The following SUPT3H variants were observed in gnomAD, a reference collection of about 807,000 sequenced individuals.
SUPT3H encodes the protein SPT3 homolog, SAGA and STAGA complex component, also known as transcription initiation protein SPT3 homolog.
Under a neutral mutation model 44.3 loss-of-function variants are expected in SUPT3H, and 44 were observed. The ratio of observed to expected loss-of-function variants is 0.99; its 90% CI spans 0.78 to 1.28. The LOEUF is 1.28. Among genes scored for constraint, SUPT3H ranks in the 50% most tolerant of loss-of-function variants. The pLI, the probability that SUPT3H is intolerant of heterozygous loss-of-function variation, is 0.00. For synonymous variants in SUPT3H, 124 were observed against 125.6 expected, an observed-to-expected ratio of 0.99 and a Z score of 0.09; for missense variants, 380 against 387.1, an observed-to-expected ratio of 0.98 and a Z score of 0.15.
At chr6:44,889,516 A>C (rs1762920672) in intron 10 of SUPT3H, among the ~76,000 whole-genome samples, 2 of 152,238 alleles carry the variant, frequency 1.3e-5, no homozygotes, top group Non-Finnish European at 2.9e-5. Context: ...TGGGGAAAGG[A>C]ATCCCTATTT....
At chr6:45,334,557 GAAT>G (rs1788169780) in intron 2 of SUPT3H, among the ~76,000 whole-genome samples, 1 of 149,542 alleles carries the variant, frequency 6.7e-6, no homozygotes, top group Non-Finnish European at 1.5e-5. Flanking sequence ...AGAAATATCA[GAAT>G]AATAACGTGA....
chr6:45,126,272 T>C (rs1224299392), intron 2 of SUPT3H, among the ~76,000 whole-genome samples: 2 of 152,208 alleles, frequency 1.3e-5, no homozygotes, highest in African/African-American at 4.8e-5. Flanking sequence ...GGCCACCCTG[T>C]ATGAAGCTTA....
intron 2 of SUPT3H, among the ~76,000 whole-genome samples, chr6:45,175,902 AT>A (rs1811710768): frequency 6.6e-6 from 1 of 152,186 alleles, no homozygotes; most frequent in Non-Finnish European, 1.5e-5. Context: ...AGACTGGCTG[AT>A]TTCCTTTGAA....
chr6:45,175,108 T>C lies in SUPT3H; in HGVS notation c.102-69102A>G, dbSNP rs558136502. Among the ~76,000 whole-genome samples, 7 of 151,400 alleles carry C rather than the reference T, an allele frequency of 4.6e-5. No homozygotes were observed. In the East Asian group the frequency reaches 5.9e-4, roughly 13 times the overall value. On this transcript the variant is annotated intron_variant, in intron 2 of 10. Coordinates refer to ENST00000371459, the MANE Select transcript of SUPT3H (RefSeq NM_003599.4). The stretch of plus-strand genomic sequence containing the variant: ...AATACTAGATTGTTATTTACTTACA[T>C]AGAACTTCCTACTATATCACTTAAC...
At position 45,113,828 on chromosome 6, in the gene SUPT3H, A is replaced by C. The variant is rs1168853425; in HGVS notation, c.102-7822T>G. Among the ~76,000 whole-genome samples, 9 of 19,258 alleles carry C rather than the reference A, an allele frequency of 4.7e-4. No individual in the cohort carries two copies. In the African/African-American group the frequency reaches 5.5e-3, roughly 12 times the overall value. 12.6% of individuals were successfully genotyped at this position (19,258 alleles called of 152,430 possible). A position where few individuals can be genotyped will look rare whatever the true frequency, so the allele number is the denominator to read the frequency against. On this transcript the variant is annotated intron_variant, in intron 2 of 10. Transcript: ENST00000371459. ...CTGGGCGACAGAGCAAGACTCCATC[A>C]AAAAAAAAAAAAAAAAAAATCAAAT...
chr6:44,872,426 T>C (rs1260506523), intron 10 of SUPT3H, among the ~76,000 whole-genome samples: 2 of 138,326 alleles, frequency 1.4e-5, no homozygotes, highest in Non-Finnish European at 3.2e-5. Context: ...AGAAATAAAA[T>C]ACTTTATAGA....
chr6:45,092,958 C>A (rs1325571440), intron 3 of SUPT3H, among the ~76,000 whole-genome samples: 1 of 151,948 alleles, frequency 6.6e-6, no homozygotes, highest in South Asian at 2.1e-4. Flanking sequence ...TTGAAATTAT[C>A]AGCATAAATA....
intron 6 of SUPT3H, among the ~76,000 whole-genome samples, chr6:44,996,713 T>G (rs1399644102): frequency 6.6e-6 from 1 of 151,902 alleles, no homozygotes; most frequent in Non-Finnish European, 1.5e-5. Flanking sequence ...AGGAACAGCA[T>G]TTCTCAAAAG....
At chr6:44,906,442 T>C (rs1766091753) in intron 10 of SUPT3H, among the ~76,000 whole-genome samples, 1 of 152,188 alleles carries the variant, frequency 6.6e-6, no homozygotes, top group Admixed American at 6.5e-5. Context: ...TCATTTTTCA[T>C]GTAATATCTC....
intron 3 of SUPT3H, among the ~76,000 whole-genome samples, chr6:45,078,460 T>C (rs574470501): frequency 5.1e-4 from 78 of 152,310 alleles, no homozygotes; most frequent in Admixed American, 1.8e-3. Context: ...CGTTACAGCA[T>C]TGGGGTGTTC....
intron 3 of SUPT3H, among the ~76,000 whole-genome samples, chr6:45,045,945 G>A (rs1789329041): frequency 6.6e-6 from 1 of 151,910 alleles, no homozygotes; most frequent in South Asian, 2.1e-4. Context: ...TTTTTCTTTT[G>A]TTGTTCTTCA....
At chr6:45,138,393 A>G (rs761862183) in intron 2 of SUPT3H, among the ~76,000 whole-genome samples, 6 of 152,170 alleles carry the variant, frequency 3.9e-5, no homozygotes, top group Admixed American at 2.6e-4. Flanking sequence ...ATGTCCAAAG[A>G]TTTGAATGCA....
chr6:44,920,788 A>G (rs1175375922), intron 10 of SUPT3H, among the ~76,000 whole-genome samples: 1 of 152,056 alleles, frequency 6.6e-6, no homozygotes, highest in African/African-American at 2.4e-5. Context: ...TCTCATCTCA[A>G]CGTACTCCAG....
intron 10 of SUPT3H, among the ~76,000 whole-genome samples, chr6:44,842,714 C>T (rs1771171912): frequency 6.6e-6 from 1 of 152,092 alleles, no homozygotes; most frequent in African/African-American, 2.4e-5. Flanking sequence ...TGCTTTGACA[C>T]AAGGGGAACA....
intron 10 of SUPT3H, among the ~76,000 whole-genome samples, chr6:44,839,826 C>G (rs1250996958): frequency 1.3e-5 from 2 of 151,766 alleles, no homozygotes; most frequent in Non-Finnish European, 2.9e-5. Flanking sequence ...CTCAGCCTCC[C>G]GAGTAGCTGG....
rs533734426 is a variant in SUPT3H, at chr6:45,268,913, C to G, written c.101+96288G>C. Among the ~76,000 whole-genome samples the G allele has an allele frequency of 4.6e-5, 7 of 152,178 alleles. No individual in the cohort carries two copies. In the East Asian group the frequency reaches 1.4e-3, roughly 29 times the overall value. The stretch of plus-strand genomic sequence containing the variant: ...TACTGCTTAACCTAATAAAATGAAG[C>G]ACAACAATTCATCAGGAAAATGTAA... On this transcript the variant is annotated intron_variant, in intron 2 of 10. Transcript: ENST00000371459.
intron 2 of SUPT3H, among the ~76,000 whole-genome samples, chr6:45,173,992 T>C (rs1025122567): frequency 6.6e-6 from 1 of 152,246 alleles, no homozygotes; most frequent in Non-Finnish European, 1.5e-5. Context: ...AAATAGGGCA[T>C]CTGTTTGTGG....
At chr6:45,291,769 G>A (rs769236579) in intron 2 of SUPT3H, among the ~76,000 whole-genome samples, 4 of 152,038 alleles carry the variant, frequency 2.6e-5, no homozygotes, top group Non-Finnish European at 5.9e-5. Context: ...ACGAACAAAG[G>A]CTCCAAACAG....
At chr6:45,176,419 G>GTCCTACGCCCACGGAGTC (rs1811877274) in intron 2 of SUPT3H, among the ~76,000 whole-genome samples, 2 of 152,140 alleles carry the variant, frequency 1.3e-5, no homozygotes, top group African/African-American at 4.8e-5. Context: ...GGCTCGGAGG[G>GTCCTACGCCCACGGAGTC]TCCTACGCCC....
Sources: gnomAD v4.1 joint callset for allele counts (sites outside exome capture counted in the v4.1 genomes callset) on GRCh38, gnomAD v4.1.1 for gene constraint, MANE v1.5 for transcripts, NCBI Gene and HGNC (gene_info 2026-07-23, HGNC 2026-07-21) for gene names.